The following INSR variants were observed in gnomAD, a reference collection of about 807,000 sequenced individuals.
INSR encodes insulin receptor.
INSR carries 67 observed loss-of-function variants against 142.6 expected under a neutral mutation model. The observed-to-expected ratio is 0.47, with a 90% CI of 0.39 to 0.58. The LOEUF is 0.58. Ranked by LOEUF, INSR falls within the 20% of genes least tolerant of loss-of-function variation. INSR has a pLI of 0.00. For synonymous variants in INSR, 756 were observed against 743.1 expected (o/e 1.02, Z -0.28); for missense variants, 1,248 against 1,833.2 (o/e 0.68, Z 5.83).
intron 13 of INSR, among the ~76,000 whole-genome samples, chr19:7,140,374 C>A (rs559943014): frequency 7.2e-5 from 11 of 152,332 alleles, no homozygotes; most frequent in African/African-American, 2.2e-4. Context: ...CACATCCATT[C>A]ATTTACATAT....
chr19:7,150,648 T>A lies in INSR; in HGVS notation c.2232-116A>T. On this transcript the variant is annotated intron_variant, in intron 10 of 21. Coordinates refer to ENST00000302850, the MANE Select transcript of INSR (RefSeq NM_000208.4). The surrounding 1 kb of genome is among the most constrained non-coding windows in gnomAD (Gnocchi z 4.2). The stretch of plus-strand genomic sequence containing the variant: ...AGTAAGGGCACCCTGGCTTTGACCC[T>A]GGACCACTCGCTCCCATCACTTGCT... 1.1e-6 allele frequency: 1 copy of A among 913,710 alleles called. No homozygotes were observed. The highest frequency in any genetic ancestry group is 1.8e-6 in the Non-Finnish European group (1 of 558,928). 56.6% of individuals were successfully genotyped at this position (913,710 alleles called of 1,614,324 possible). A position where few individuals can be genotyped will look rare whatever the true frequency, so the allele number is the denominator to read the frequency against.
At position 7,258,141 on chromosome 19, in the gene INSR, C is replaced by T. The variant is rs568402164; in HGVS notation, c.652+9204G>A. Among the ~76,000 whole-genome samples the T allele has an allele frequency of 3.9e-5, 6 of 152,254 alleles. No homozygotes were observed. The South Asian group carries it at 1.2e-3, about 32-fold the overall frequency. On this transcript the variant is annotated intron_variant, in intron 2 of 21. Transcript: ENST00000302850. The stretch of plus-strand genomic sequence containing the variant: ...ATGCCCGGCCAAAAATGTGAAAAAG[C>T]ATTCTTAAGCCAGGCAAGCACAGTG...
At chr19:7,140,811 G>C (rs1157764794) in intron 13 of INSR, among the ~76,000 whole-genome samples, 1 of 149,010 alleles carries the variant, frequency 6.7e-6, no homozygotes, top group Non-Finnish European at 1.5e-5. Context: ...AAAAATAATG[G>C]GGCCTCTCAA....
intron 2 of INSR, among the ~76,000 whole-genome samples, chr19:7,240,702 C>T (rs896504366): frequency 2.0e-5 from 3 of 152,112 alleles, no homozygotes; most frequent in Non-Finnish European, 2.9e-5. Flanking sequence ...ACTTTTTGAG[C>T]GCCGACATGA....
In INSR at chr19:7,270,339, T is replaced by TCTCTCACACA. The variant is rs1414011806; in HGVS notation, c.101-2444_101-2443insTGTGTGAGAG. On this transcript the variant is annotated intron_variant, in intron 1 of 21. Coordinates refer to ENST00000302850, the MANE Select transcript of INSR (RefSeq NM_000208.4). ...ATTTCTCTCTCTCTCTCTCTCTCTC[T>TCTCTCACACA]CACACACACACACACACACACACAC... 5.0e-4 allele frequency among the ~76,000 whole-genome samples: 60 copies of TCTCTCACACA among 120,312 alleles called. 1 individual carries two copies. The highest frequency in any genetic ancestry group is 8.0e-4 in the Non-Finnish European group (47 of 59,078). 78.9% of individuals were successfully genotyped at this position (120,312 alleles called of 152,430 possible).
Position 7,186,798 on chromosome 19 carries a change from G to A in INSR, c.653-2161C>T, listed in dbSNP as rs144346789. On this transcript the variant is annotated intron_variant, in intron 2 of 21. Transcript: ENST00000302850. ...CAGCTCACTGTAACCTCTGCCTCCCGGGTTCAAGTGATTCTCCTGCCTCAG... is the reference window on the plus strand; with the variant it reads ...CAGCTCACTGTAACCTCTGCCTCCCAGGTTCAAGTGATTCTCCTGCCTCAG... Among the ~76,000 whole-genome samples, 757 of 151,942 alleles carry A rather than the reference G, an allele frequency of 5.0e-3. 2 individuals are homozygous for A. The highest frequency in any genetic ancestry group is 8.2e-3 in the Non-Finnish European group (558 of 67,976).
rs771896962 is a variant in INSR at position 7,267,927 on chromosome 19, A to G, written c.101-31T>C. On this transcript the variant is annotated intron_variant, in intron 1 of 21. Transcript: ENST00000302850. The surrounding 1 kb of genome is among the most constrained non-coding windows in gnomAD (Gnocchi z 6.3). Reference sequence around the variant, plus strand: ...AGAGAAAATGAACAGAAAGCAAGACAGGTGAGCAGACGCACGGTGGATGCA... The same window carrying G: ...AGAGAAAATGAACAGAAAGCAAGACGGGTGAGCAGACGCACGGTGGATGCA... The G allele has an allele frequency of 2.1e-5, 33 of 1,588,580 alleles. No individual in the cohort carries two copies. The East Asian group carries it at 7.4e-4, about 36-fold the overall frequency.
intron 2 of INSR, among the ~76,000 whole-genome samples, chr19:7,219,552 AG>A (rs1371955727): frequency 1.1e-5 from 1 of 93,786 alleles, no homozygotes; most frequent in African/African-American, 4.3e-5. Flanking sequence ...GAGGGAGGGA[AG>A]GGGGAGAGAG....
At chr19:7,253,190 C>T (rs1182058368) in intron 2 of INSR, among the ~76,000 whole-genome samples, 2 of 151,310 alleles carry the variant, frequency 1.3e-5, no homozygotes, top group Non-Finnish European at 2.9e-5. Context: ...GTGGGCTTCA[C>T]CTACCACATG....
intron 2 of INSR, among the ~76,000 whole-genome samples, chr19:7,197,095 T>C (rs895031511): frequency 6.6e-6 from 1 of 152,226 alleles, no homozygotes; most frequent in Non-Finnish European, 1.5e-5. Context: ...AGGTGAACTT[T>C]TGACAGCTTC....
At chr19:7,290,778 G>A (rs367842695) in intron 1 of INSR, among the ~76,000 whole-genome samples, 8,591 of 122,558 alleles carry the variant, frequency 0.07, 840 homozygotes, top group African/African-American at 0.24. Context: ...AAAAAAAAAA[G>A]AAAAAAAAAA....
chr19:7,252,733 C>G (rs1976765026), intron 2 of INSR, among the ~76,000 whole-genome samples: 1 of 152,160 alleles, frequency 6.6e-6, no homozygotes, highest in African/African-American at 2.4e-5. Context: ...ACCATTCTTT[C>G]TGGGCTACAC....
At chr19:7,200,671 T>TTAAAAAAA (rs1974927491) in intron 2 of INSR, among the ~76,000 whole-genome samples, 2 of 151,876 alleles carry the variant, frequency 1.3e-5, no homozygotes, top group African/African-American at 4.8e-5. Flanking sequence ...AGACCTCATC[T>TTAAAAAAA]CTATTTCTTA....
At chr19:7,146,493 T>A (rs1190400185) in intron 11 of INSR, among the ~76,000 whole-genome samples, 1 of 152,092 alleles carries the variant, frequency 6.6e-6, no homozygotes, top group Non-Finnish European at 1.5e-5. Flanking sequence ...GCCCCCCACC[T>A]CAGCCTCCCA....
intron 3 of INSR, among the ~76,000 whole-genome samples, chr19:7,182,841 A>T (rs1009558350): frequency 6.8e-6 from 1 of 147,360 alleles, no homozygotes; most frequent in Non-Finnish European, 1.5e-5. Flanking sequence ...TTCAATTGTG[A>T]TTTTAAAAAG....
intron 3 of INSR, among the ~76,000 whole-genome samples, chr19:7,179,874 C>T (rs1974229850): frequency 6.6e-6 from 1 of 152,136 alleles, no homozygotes; most frequent in African/African-American, 2.4e-5. Context: ...AGTCTATGTT[C>T]CCACCTGTTG....
In INSR at chr19:7,114,073, G is replaced by T. The variant is rs1376507465; in HGVS notation, c.*2983C>A. ...AAAAAAAAAAAAAAAAAAAAAAAAA[G>T]CGTTCAGCACATTAATGGGTTTTGG... On this transcript the variant is annotated 3_prime_UTR_variant, in exon 22 of 22. Transcript: ENST00000302850. The T allele has an allele frequency of 9.0e-6, 1 of 111,662 alleles. No homozygotes were observed. The highest frequency in any genetic ancestry group is 1.8e-5 in the Non-Finnish European group (1 of 55,114). 6.9% of individuals were successfully genotyped at this position (111,662 alleles called of 1,614,324 possible). A position where few individuals can be genotyped will look rare whatever the true frequency, so the allele number is the denominator to read the frequency against.
rs555380712 is a variant in INSR at position 7,283,964 on chromosome 19, T to C, written c.100+9828A>G. Among the ~76,000 whole-genome samples the C allele has an allele frequency of 4.3e-4, 65 of 152,330 alleles. No homozygotes were observed. The South Asian group carries it at 0.013, about 31-fold the overall frequency. ...CTATTGAATCTATATTGTTGATTCA[T>C]TAACACCGAACTCACGGCCAACAGT... On this transcript the variant is annotated intron_variant, in intron 1 of 21. Transcript: ENST00000302850.
intron 10 of INSR, among the ~76,000 whole-genome samples, chr19:7,151,564 G>A (rs1451573617): frequency 1.3e-5 from 2 of 151,494 alleles, no homozygotes; most frequent in Non-Finnish European, 2.9e-5. Flanking sequence ...GGGATTACAC[G>A]AGTGAGCCAC....
Sources: allele counts gnomAD v4.1 joint callset (sites outside exome capture counted in the v4.1 genomes callset), GRCh38; gene constraint gnomAD v4.1.1; non-coding constraint Gnocchi (gnomAD v3.1); transcripts MANE v1.5; gene names NCBI Gene and HGNC (gene_info 2026-07-23, HGNC 2026-07-21).